The following ATXN10 variants were observed in gnomAD, a reference collection of about 807,000 sequenced individuals.
ATXN10 encodes ataxin-10.
A neutral mutation model predicts 52.9 loss-of-function variants in ATXN10; 28 were observed. The ratio of observed to expected loss-of-function variants is 0.53; its 90% CI spans 0.39 to 0.73. ATXN10 has a LOEUF of 0.73. ATXN10 is among the 30% of genes least tolerant of loss of function. The pLI, the probability that ATXN10 is intolerant of heterozygous loss-of-function variation, is 0.00. For missense variants in ATXN10, 565 were observed against 577.0 expected, an observed-to-expected ratio of 0.98 and a Z score of 0.21; for synonymous variants, 226 against 221.5, an observed-to-expected ratio of 1.02 and a Z score of -0.18.
At position 45,741,689 on chromosome 22, in the gene ATXN10, G is replaced by C. The variant is rs554871998; in HGVS notation, c.1173+1151G>C. Among the ~76,000 whole-genome samples the C allele has an allele frequency of 2.0e-5, 3 of 148,546 alleles. No individual in the cohort carries two copies. The South Asian group carries it at 6.4e-4, about 32-fold the overall frequency. On this transcript the variant is annotated intron_variant, in intron 9 of 11. Transcript: ENST00000252934. ...GTATTATGAGAAAAAGTAAAAAATAGAAAAAAAAAATAAGGGATATAGGTC... is the reference window on the plus strand; with the variant it reads ...GTATTATGAGAAAAAGTAAAAAATACAAAAAAAAAATAAGGGATATAGGTC...
rs1422069925 is a variant in ATXN10 at position 45,750,913 on chromosome 22, T to C, written c.1173+10375T>C. On this transcript the variant is annotated intron_variant, in intron 9 of 11. Transcript: ENST00000252934. This position sits in a 1 kb window ranked among gnomAD's most constrained non-coding sequence, Gnocchi z 4.2. Reference sequence around the variant, plus strand: ...ATGCTCCGTTCATTAGTGATTGTAGTAATTCTTTCTTTCTTCTACTTTCCT... The same window carrying C: ...ATGCTCCGTTCATTAGTGATTGTAGCAATTCTTTCTTTCTTCTACTTTCCT... 2.7e-5 allele frequency among the ~76,000 whole-genome samples: 4 copies of C among 148,970 alleles called. No homozygotes were observed. The highest frequency in any genetic ancestry group is 9.8e-5 in the African/African-American group (4 of 40,912).
intron 9 of ATXN10, chr22:45,793,900 CAGAGG>C: frequency 3.2e-6 from 4 of 1,234,972 alleles, no homozygotes; most frequent in Non-Finnish European, 4.1e-6. Flanking sequence ...ATAGCAGCAG[CAGAGG>C]TGCTGCTCCT....
At position 45,818,015 on chromosome 22, in the gene ATXN10, A is replaced by G. The variant is rs1414236090; in HGVS notation, c.1237+10993A>G. Among the ~76,000 whole-genome samples the G allele has an allele frequency of 6.6e-6, 1 of 152,232 alleles. No homozygotes were observed. Among genetic ancestry groups the G allele is most frequent in the Non-Finnish European group, 1.5e-5 (1 of 68,032 alleles). On this transcript the variant is annotated intron_variant, in intron 10 of 11. Coordinates refer to ENST00000252934, the MANE Select transcript of ATXN10 (RefSeq NM_013236.4). The surrounding 1 kb of genome is among the most constrained non-coding windows in gnomAD (Gnocchi z 4.6). ...GGAAGTTGGAGAAAGACATGCTGGA[A>G]TGCATAAGCTTTCAGAAAAGAGACT...
In ATXN10 at chr22:45,677,059, T is replaced by G. The variant is rs749171435; in HGVS notation, c.116+4880T>G. On this transcript the variant is annotated intron_variant, in intron 1 of 11. Coordinates refer to ENST00000252934, the MANE Select transcript of ATXN10 (RefSeq NM_013236.4). This position sits in a 1 kb window ranked among gnomAD's most constrained non-coding sequence, Gnocchi z 4.1. ...GATGTGACAGCACAGATATAGAATA[T>G]TTCCATCATCACAGAAAGTTCTGGA... is the stretch of plus-strand genomic sequence containing the variant. The G allele has an allele frequency of 6.6e-6, 1 of 152,264 alleles. No individual in the cohort carries two copies. Among genetic ancestry groups the G allele is most frequent in the Non-Finnish European group, 1.5e-5 (1 of 68,046 alleles). 9.4% of individuals were successfully genotyped at this position (152,264 alleles called of 1,614,324 possible). A position where few individuals can be genotyped will look rare whatever the true frequency, so the allele number is the denominator to read the frequency against.
At chr22:45,736,318 A>C (rs1482354682) in intron 7 of ATXN10, among the ~76,000 whole-genome samples, 1 of 152,194 alleles carries the variant, frequency 6.6e-6, no homozygotes, top group Non-Finnish European at 1.5e-5. Flanking sequence ...TTCATCAGTT[A>C]CTCTAAAAGA....
chr22:45,737,923 G>C (rs1054784120), intron 7 of ATXN10, among the ~76,000 whole-genome samples: 13 of 151,842 alleles, frequency 8.6e-5, no homozygotes, highest in African/African-American at 2.4e-4. Context: ...GGCTGATCTT[G>C]AGCTCTTGAC....
intron 2 of ATXN10, among the ~76,000 whole-genome samples, chr22:45,692,722 A>T (rs1268672839): frequency 6.6e-6 from 1 of 152,166 alleles, no homozygotes; most frequent in African/African-American, 2.4e-5. Flanking sequence ...GAATGCATGG[A>T]ATGGGGTAAA....
At chr22:45,796,729 C>G (rs1927753966) in intron 9 of ATXN10, among the ~76,000 whole-genome samples, 1 of 152,196 alleles carries the variant, frequency 6.6e-6, no homozygotes, top group African/African-American at 2.4e-5. Context: ...AACTCCTGAC[C>G]TCAAATTATC....
At position 45,712,309 on chromosome 22, in the gene ATXN10, A is replaced by G. The variant is rs1277905911; in HGVS notation, c.648-6104A>G. On this transcript the variant is annotated intron_variant, in intron 5 of 11. Coordinates refer to ENST00000252934, the MANE Select transcript of ATXN10 (RefSeq NM_013236.4). This position sits in a 1 kb window ranked among gnomAD's most constrained non-coding sequence, Gnocchi z 4.6. ...AAAGGGGATGCTGAACAGGGGAAAA[A>G]GTGGCAGATATCCACAAGGACTGTC... is the stretch of plus-strand genomic sequence containing the variant. Among the ~76,000 whole-genome samples the G allele has an allele frequency of 2.6e-5, 4 of 152,234 alleles. No homozygotes were observed. Among genetic ancestry groups the G allele is most frequent in the Non-Finnish European group, 5.9e-5 (4 of 68,036 alleles).
intron 9 of ATXN10, among the ~76,000 whole-genome samples, chr22:45,742,950 C>G (rs547863328): frequency 2.0e-5 from 3 of 152,160 alleles, no homozygotes; most frequent in African/African-American, 7.2e-5. Flanking sequence ...GGTGGTTTTT[C>G]TTGTGTTTAA....
chr22:45,799,992 A>T (rs1210894537), intron 9 of ATXN10, among the ~76,000 whole-genome samples: 1 of 152,184 alleles, frequency 6.6e-6, no homozygotes, highest in Non-Finnish European at 1.5e-5. Context: ...TATACCAAAC[A>T]AAAATTGATT....
Position 45,678,860 on chromosome 22 carries a change from A to G in ATXN10, c.116+6681A>G, listed in dbSNP as rs138312752. On this transcript the variant is annotated intron_variant, in intron 1 of 11. Transcript: ENST00000252934. The surrounding 1 kb of genome is among the most constrained non-coding windows in gnomAD (Gnocchi z 4.1). ...AATTAACTATGTGTAGCTTACTTTG[A>G]ACTACTGACATAGGAGTAGCTCACA... The G allele has an allele frequency of 2.4e-4, 36 of 152,374 alleles. No individual in the cohort carries two copies. Among genetic ancestry groups the G allele is most frequent in the African/African-American group, 8.4e-4 (35 of 41,596 alleles). The allele number at this position is 152,374 out of a possible 1,614,324, so 9.4% of individuals were successfully genotyped here. A position where few individuals can be genotyped will look rare whatever the true frequency, so the allele number is the denominator to read the frequency against.
In ATXN10 at chr22:45,700,403, C is replaced by T. The variant is rs767590821; in HGVS notation, c.488+25C>T. The T allele has an allele frequency of 3.9e-6, 6 of 1,557,514 alleles. No individual in the cohort carries two copies. In the East Asian group the frequency reaches 1.1e-4, roughly 29 times the overall value. ...TGTGAGTATATTGATAAGCATTTTTCTAACTTGTGAGAAGATTGTGGCTAT... is the reference window on the plus strand; with the variant it reads ...TGTGAGTATATTGATAAGCATTTTTTTAACTTGTGAGAAGATTGTGGCTAT... On this transcript the variant is annotated intron_variant, in intron 4 of 11. Transcript: ENST00000252934.
At chr22:45,798,143 G>T (rs1280491718) in intron 9 of ATXN10, among the ~76,000 whole-genome samples, 1 of 152,184 alleles carries the variant, frequency 6.6e-6, no homozygotes, top group Non-Finnish European at 1.5e-5. Flanking sequence ...ATAAAATAGA[G>T]GAGGGAACAC....
chr22:45,798,998 T>A (rs192094667), intron 9 of ATXN10, among the ~76,000 whole-genome samples: 35 of 152,250 alleles, frequency 2.3e-4, no homozygotes, highest in African/African-American at 8.4e-4. Context: ...AGCTCAATAT[T>A]GTTAAGTGTT....
In ATXN10 at chr22:45,744,135, A is replaced by G. The variant is rs1925641471; in HGVS notation, c.1173+3597A>G. Among the ~76,000 whole-genome samples the G allele has an allele frequency of 6.6e-6, 1 of 152,164 alleles. No homozygotes were observed. The highest frequency in any genetic ancestry group is 2.4e-5 in the African/African-American group (1 of 41,442). The stretch of plus-strand genomic sequence containing the variant: ...TGGCTTGGGGATCCTTTGACGGGTA[A>G]TTCAGGCAAGGTATTAATATCTTCT... On this transcript the variant is annotated intron_variant, in intron 9 of 11. Transcript: ENST00000252934. This position sits in a 1 kb window ranked among gnomAD's most constrained non-coding sequence, Gnocchi z 4.9.
intron 5 of ATXN10, among the ~76,000 whole-genome samples, chr22:45,716,119 G>A (rs1601603437): frequency 1.3e-5 from 2 of 152,166 alleles, no homozygotes; most frequent in South Asian, 4.2e-4. Context: ...AATAAAAAAA[G>A]CTGCGTATGG....
At chr22:45,709,117 A>G (rs1055915507) in intron 5 of ATXN10, among the ~76,000 whole-genome samples, 24 of 152,162 alleles carry the variant, frequency 1.6e-4, no homozygotes, top group African/African-American at 4.1e-4. Flanking sequence ...AAGTGTAACA[A>G]TATTAGGAAG....
chr22:45,737,661 A>G (rs1925347658), intron 7 of ATXN10, among the ~76,000 whole-genome samples: 1 of 147,472 alleles, frequency 6.8e-6, no homozygotes, highest in Non-Finnish European at 1.5e-5. Flanking sequence ...CAAGGAAGTA[A>G]TTTGTCTTTC....
Sources: allele counts gnomAD v4.1 joint callset (sites outside exome capture counted in the v4.1 genomes callset), GRCh38; gene constraint gnomAD v4.1.1; non-coding constraint Gnocchi (gnomAD v3.1); transcripts MANE v1.5; gene names NCBI Gene and HGNC (gene_info 2026-07-23, HGNC 2026-07-21).